ZNRF1: variants seen among roughly 807,000 people sequenced by gnomAD.
ZNRF1 encodes E3 ubiquitin-protein ligase ZNRF1.
A neutral mutation model predicts 18.4 loss-of-function variants in ZNRF1; 3 were observed. That is an observed-to-expected ratio of 0.16 (90% CI 0.07 to 0.42). ZNRF1 has a LOEUF of 0.42. Among genes scored for constraint, ZNRF1 ranks in the 10% least tolerant of loss-of-function variants. The probability of loss-of-function intolerance (pLI) is 0.99; values close to 1 mark genes in which losing one functional copy is unlikely to be tolerated. For synonymous variants in ZNRF1, 157 were observed against 144.2 expected (o/e 1.09, Z -0.64); for missense variants, 310 against 329.8 (o/e 0.94, Z 0.47).
At chr16:75,017,787 C>T (rs927460719) in intron 1 of ZNRF1, among the ~76,000 whole-genome samples, 3 of 152,198 alleles carry the variant, frequency 2.0e-5, no homozygotes, top group Non-Finnish European at 4.4e-5. Context: ...GTAGATAATT[C>T]AAATCAAGTT....
chr16:75,073,553 T>C (rs1479927317), intron 1 of ZNRF1, among the ~76,000 whole-genome samples: 1 of 152,202 alleles, frequency 6.6e-6, no homozygotes, highest in East Asian at 1.9e-4. Flanking sequence ...TTTGTTAATC[T>C]AAGGTTTTAG....
chr16:75,000,031 C>T lies in ZNRF1; in HGVS notation c.360C>T (p.Ser120=). 1 of 1,596,586 alleles carries T rather than the reference C, an allele frequency of 6.3e-7. No homozygotes were observed. The highest frequency in any genetic ancestry group is 8.5e-7 in the Non-Finnish European group (1 of 1,172,868). Residue 120 remains serine, a synonymous_variant, in exon 1 of 5, where the codon TCC becomes TCT. Transcript: ENST00000335325. ...GAGACGGGATGCTGTACCTGGGCTC[C>T]CGAGCCTCGCTGGCGGATGCTCTAC... ...HHRDGMLYLG[S]RASLADALPL...
rs539302796 is a variant in ZNRF1, at chr16:75,016,082, A to C, written c.424+15987A>C. On this transcript the variant is annotated intron_variant, in intron 1 of 4. Transcript: ENST00000335325. ...ACTACAGGCGCCTGCCACCACACCC[A>C]GCTAATTTTTTGTATTTTTAGTAGA... Among the ~76,000 whole-genome samples, 14 of 131,196 alleles carry C rather than the reference A, an allele frequency of 1.1e-4. No homozygotes were observed. In the South Asian group the frequency reaches 3.2e-3, roughly 30 times the overall value. The allele number at this position is 131,196 out of a possible 152,430, so 86.1% of individuals were successfully genotyped here. A position where few individuals can be genotyped will look rare whatever the true frequency, so the allele number is the denominator to read the frequency against.
chr16:75,015,922 T>C (rs2035060016), intron 1 of ZNRF1, among the ~76,000 whole-genome samples: 1 of 99,398 alleles, frequency 1.0e-5, no homozygotes, highest in Non-Finnish European at 1.9e-5. Context: ...TTTTCTTTTC[T>C]TTTTTTTTTT....
At chr16:75,012,223 G>T (rs1480780120) in intron 1 of ZNRF1, among the ~76,000 whole-genome samples, 2 of 152,240 alleles carry the variant, frequency 1.3e-5, no homozygotes, top group Non-Finnish European at 2.9e-5. Flanking sequence ...CCTGTGCTCA[G>T]TGAATTGCTG....
chr16:75,035,429 C>T (rs1467323847), intron 1 of ZNRF1, among the ~76,000 whole-genome samples: 2 of 152,138 alleles, frequency 1.3e-5, no homozygotes, highest in Admixed American at 1.3e-4. Context: ...TGCAATGGTG[C>T]GATCTTGTTG....
chr16:75,087,648 C>T (rs1380813227), intron 1 of ZNRF1, among the ~76,000 whole-genome samples: 1 of 152,194 alleles, frequency 6.6e-6, no homozygotes, highest in African/African-American at 2.4e-5. Context: ...TGATTAAGGA[C>T]ACATTCCCCA....
intron 1 of ZNRF1, among the ~76,000 whole-genome samples, chr16:75,045,241 G>A (rs1299207118): frequency 6.6e-6 from 1 of 152,146 alleles, no homozygotes; most frequent in Admixed American, 6.6e-5. Context: ...ACCCTGGCCA[G>A]GGCTCAAGAA....
At chr16:75,106,273 C>T (rs894066321) in intron 3 of ZNRF1, 4 of 579,244 alleles carry the variant, frequency 6.9e-6, no homozygotes, top group South Asian at 4.0e-5. Flanking sequence ...GTACTGCTGC[C>T]TCCACCTGGG....
chr16:75,033,991 C>CA (rs71158573), intron 1 of ZNRF1, among the ~76,000 whole-genome samples: 20 of 144,912 alleles, frequency 1.4e-4, no homozygotes, highest in African/African-American at 2.0e-4. Flanking sequence ...TACTAAAATA[C>CA]AAAAAAAAAA....
chr16:75,106,581 C>G lies in ZNRF1; in HGVS notation c.*32+10C>G, dbSNP rs776794702. On this transcript the variant is annotated intron_variant, in intron 4 of 4. Transcript: ENST00000335325. ...CTGACTCCTCTCAAAGGTGAGCCCG[C>G]GTTTGGGGGTGCTCCGGGCTCAAGG... 3.1e-6 allele frequency: 5 copies of G among 1,612,354 alleles called. No individual in the cohort carries two copies. In the East Asian group the frequency reaches 1.1e-4, roughly 36 times the overall value.
intron 2 of ZNRF1, among the ~76,000 whole-genome samples, chr16:75,102,026 G>A (rs2036260203): frequency 6.6e-6 from 1 of 152,168 alleles, no homozygotes; most frequent in Admixed American, 6.5e-5. Flanking sequence ...ATGACCACAA[G>A]TTGTCCTGGT....
chr16:75,065,891 G>C (rs1207190151), intron 1 of ZNRF1, among the ~76,000 whole-genome samples: 1 of 152,182 alleles, frequency 6.6e-6, no homozygotes. Flanking sequence ...CTGTTAGAAA[G>C]TCCTGTATGT....
At chr16:75,042,443 C>CTT (rs56212046) in intron 1 of ZNRF1, among the ~76,000 whole-genome samples, 1,638 of 116,874 alleles carry the variant, frequency 0.014, 39 homozygotes, top group African/African-American at 0.037. Flanking sequence ...CTGTTTCTTT[C>CTT]TTTTTTTTTT....
At chr16:75,010,996 A>G (rs1317344861) in intron 1 of ZNRF1, among the ~76,000 whole-genome samples, 2 of 152,212 alleles carry the variant, frequency 1.3e-5, no homozygotes, top group Non-Finnish European at 2.9e-5. Context: ...GGCGTGAGCC[A>G]CCATGCCCAG....
intron 1 of ZNRF1, among the ~76,000 whole-genome samples, chr16:75,001,279 C>A (rs772145367): frequency 1.3e-5 from 2 of 152,136 alleles, no homozygotes; most frequent in South Asian, 4.1e-4. Context: ...CTTTCCCCCC[C>A]CCTGCAAATA....
intron 1 of ZNRF1, among the ~76,000 whole-genome samples, chr16:75,029,543 G>A (rs1453864160): frequency 6.6e-6 from 1 of 152,150 alleles, no homozygotes; most frequent in Admixed American, 6.5e-5. Flanking sequence ...GAGGCGGGCA[G>A]ATCACTTGAG....
At chr16:75,105,952 G>A (rs2036311760) in intron 3 of ZNRF1, 1 of 153,786 alleles carries the variant, frequency 6.5e-6, no homozygotes, top group South Asian at 2.0e-4. Flanking sequence ...GATCATGGCT[G>A]AGCCGGGTAG....
intron 1 of ZNRF1, among the ~76,000 whole-genome samples, chr16:75,012,880 G>T (rs2035016922): frequency 6.6e-6 from 1 of 152,150 alleles, no homozygotes; most frequent in Non-Finnish European, 1.5e-5. Context: ...TTTCTTCAAA[G>T]CCTGTTACCG....
Sources: allele counts gnomAD v4.1 joint callset (sites outside exome capture counted in the v4.1 genomes callset), GRCh38; gene constraint gnomAD v4.1.1; transcripts MANE v1.5; gene names NCBI Gene and HGNC (gene_info 2026-07-23, HGNC 2026-07-21).